KCNQ1: variants seen among roughly 807,000 people sequenced by gnomAD.
KCNQ1 encodes the protein potassium voltage-gated channel subfamily KQT member 1.
In KCNQ1, 49 loss-of-function variants were observed where a neutral mutation model predicts 72.4. The ratio of observed to expected loss-of-function variants is 0.68; its 90% CI spans 0.54 to 0.86. The LOEUF is 0.86. Ranked by LOEUF, KCNQ1 falls within the 40% of genes least tolerant of loss-of-function variation. The pLI, the probability that KCNQ1 is intolerant of heterozygous loss-of-function variation, is 0.00. For missense variants in KCNQ1, 790 were observed against 945.1 expected (o/e 0.84, Z 2.15); for synonymous variants, 450 against 412.6 (o/e 1.09, Z -1.10).
chr11:2,542,667 CGGTT>C (rs1022350498), intron 2 of KCNQ1, among the ~76,000 whole-genome samples: 7 of 152,044 alleles, frequency 4.6e-5, no homozygotes, highest in African/African-American at 1.7e-4. Flanking sequence ...TCAGTGTAGA[CGGTT>C]GGCGTTTTCT....
Position 2,667,543 on chromosome 11 carries a change from T to C in KCNQ1, c.1514+5462T>C, listed in dbSNP as rs779295054. 1.0e-3 allele frequency: 401 copies of C among 396,334 alleles called. No individual in the cohort carries two copies. The highest frequency in any genetic ancestry group is 1.5e-3 in the Non-Finnish European group (340 of 225,692). The allele number at this position is 396,334 out of a possible 1,614,324, so 24.6% of individuals were successfully genotyped here. A position where few individuals can be genotyped will look rare whatever the true frequency, so the allele number is the denominator to read the frequency against. On this transcript the variant is annotated intron_variant, in intron 11 of 15. Transcript: ENST00000155840. ...AAAGGACTTCACAACTGCACTGATA[T>C]TGTCATGGAGACACTTCTGGCAGTT... is the stretch of plus-strand genomic sequence containing the variant.
chr11:2,728,206 C>T (rs1258791912), intron 11 of KCNQ1, among the ~76,000 whole-genome samples: 4 of 152,114 alleles, frequency 2.6e-5, no homozygotes, highest in African/African-American at 4.8e-5. Context: ...ACCTCTGGAG[C>T]GGCCACTCGC....
At chr11:2,502,160 A>G (rs994820654) in intron 1 of KCNQ1, among the ~76,000 whole-genome samples, 5 of 152,230 alleles carry the variant, frequency 3.3e-5, no homozygotes, top group Admixed American at 6.5e-5. Flanking sequence ...CACTTTCATC[A>G]CTGTTATTTA....
At chr11:2,732,009 C>T (rs761450000) in intron 11 of KCNQ1, among the ~76,000 whole-genome samples, 12 of 152,238 alleles carry the variant, frequency 7.9e-5, no homozygotes, top group Admixed American at 2.0e-4. Flanking sequence ...GCCGTGGGCT[C>T]CTGTGTTCCT....
At chr11:2,570,873 G>A (rs1266786901) in intron 3 of KCNQ1, 119 bp downstream of exon 3, 1 of 1,411,226 alleles carries the variant, frequency 7.1e-7, no homozygotes, top group Non-Finnish European at 9.8e-7. Context: ...AGGCCAGCAG[G>A]GGGTGACTGC....
rs549312776 is a variant in KCNQ1 at position 2,526,961 on chromosome 11, C to T, written c.387-967C>T. ...TGTGGCCATCTCCTGGCTCTCCGGTCGCTGAGGATCCACGGGGGTCCCTGG... is the reference window on the plus strand; with the variant it reads ...TGTGGCCATCTCCTGGCTCTCCGGTTGCTGAGGATCCACGGGGGTCCCTGG... On this transcript the variant is annotated intron_variant, in intron 1 of 15. Transcript: ENST00000155840. The surrounding 1 kb of genome is among the most constrained non-coding windows in gnomAD (Gnocchi z 6.1). Among the ~76,000 whole-genome samples the T allele has an allele frequency of 6.4e-4, 97 of 152,206 alleles. No homozygotes were observed. Among genetic ancestry groups the T allele is most frequent in the Non-Finnish European group, 3.1e-4 (21 of 67,982 alleles).
intron 1 of KCNQ1, among the ~76,000 whole-genome samples, chr11:2,503,325 G>A (rs938902682): frequency 6.6e-6 from 1 of 152,102 alleles, no homozygotes; most frequent in African/African-American, 2.4e-5. Context: ...ACCGCACAAG[G>A]AAAACATCTA....
chr11:2,572,837 C>T lies in KCNQ1; in HGVS notation c.781-9C>T. 1 of 1,613,726 alleles carries T rather than the reference C, an allele frequency of 6.2e-7. No homozygotes were observed. Among genetic ancestry groups the T allele is most frequent in the Non-Finnish European group, 8.5e-7 (1 of 1,180,008 alleles). On this transcript the variant is annotated splice_polypyrimidine_tract_variant and intron_variant, in intron 5 of 15. Coordinates refer to ENST00000155840, the MANE Select transcript of KCNQ1 (RefSeq NM_000218.3). ...CCTGGAGCCCGACACTGTGTGTTTTCTGGCCTAGGAGCTGATAACCACCCT... is the reference window on the plus strand; with the variant it reads ...CCTGGAGCCCGACACTGTGTGTTTTTTGGCCTAGGAGCTGATAACCACCCT...
rs1564830285 is a variant in KCNQ1, at chr11:2,602,130, G to T, written c.1393+13276G>T. On this transcript the variant is annotated intron_variant, in intron 10 of 15. Transcript: ENST00000155840. This position sits in a 1 kb window ranked among gnomAD's most constrained non-coding sequence, Gnocchi z 4.8. ...AATGGCAATGTGATTTGAGGAAGGG[G>T]TCACAAACCAAAGAACGCTTCCAGA... Among the ~76,000 whole-genome samples the T allele has an allele frequency of 6.6e-6, 1 of 152,152 alleles. No homozygotes were observed. The highest frequency in any genetic ancestry group is 2.4e-5 in the African/African-American group (1 of 41,418).
intron 11 of KCNQ1, among the ~76,000 whole-genome samples, chr11:2,737,138 T>C (rs1486041596): frequency 6.6e-6 from 1 of 152,046 alleles, no homozygotes; most frequent in Non-Finnish European, 1.5e-5. Flanking sequence ...TAGGGAGGAC[T>C]CCCCCAGGAG....
At position 2,457,892 on chromosome 11, in the gene KCNQ1, A is replaced by G. The variant is rs947425127; in HGVS notation, c.386+12408A>G. On this transcript the variant is annotated intron_variant, in intron 1 of 15. Transcript: ENST00000155840. The surrounding 1 kb of genome is among the most constrained non-coding windows in gnomAD (Gnocchi z 5.0). ...TCCCTGCATTTGAATGAGGACTATCAGTATGCATCCAGGATGACGTTTACT... is the reference window on the plus strand; with the variant it reads ...TCCCTGCATTTGAATGAGGACTATCGGTATGCATCCAGGATGACGTTTACT... 6.6e-6 allele frequency among the ~76,000 whole-genome samples: 1 copy of G among 151,978 alleles called. No homozygotes were observed. The highest frequency in any genetic ancestry group is 2.4e-5 in the African/African-American group (1 of 41,378).
chr11:2,478,595 A>G lies in KCNQ1; in HGVS notation c.386+33111A>G, dbSNP rs1411762125. Among the ~76,000 whole-genome samples, 5 of 152,120 alleles carry G rather than the reference A, an allele frequency of 3.3e-5. No homozygotes were observed. Among genetic ancestry groups the G allele is most frequent in the Admixed American group, 3.3e-4 (5 of 15,274 alleles). On this transcript the variant is annotated intron_variant, in intron 1 of 15. Transcript: ENST00000155840. The surrounding 1 kb of genome is among the most constrained non-coding windows in gnomAD (Gnocchi z 4.0). ...GAACAGCATGGAGGAAACCACCCCC[A>G]TGATTCAATTATCTCCCACGAGGTC...
At chr11:2,648,546 A>G (rs1849702721) in intron 10 of KCNQ1, 3 of 398,368 alleles carry the variant, frequency 7.5e-6, no homozygotes, top group Non-Finnish European at 1.3e-5. Flanking sequence ...TCATTCAGGA[A>G]CATGTAGTTT....
At chr11:2,694,288 A>C (rs1850636568) in intron 11 of KCNQ1, 2 of 398,698 alleles carry the variant, frequency 5.0e-6, no homozygotes, top group African/African-American at 4.1e-5. Flanking sequence ...ACACCATCCC[A>C]GTCCCAAGAG....
chr11:2,523,769 T>TC (rs1460586040), intron 1 of KCNQ1, among the ~76,000 whole-genome samples: 1 of 150,382 alleles, frequency 6.6e-6, no homozygotes, highest in Non-Finnish European at 1.5e-5. Flanking sequence ...TTTTTTTTTT[T>TC]TTGAAAGTTT....
intron 11 of KCNQ1, chr11:2,665,744 C>G: frequency 2.5e-6 from 1 of 398,516 alleles, no homozygotes; most frequent in Non-Finnish European, 4.4e-6. Flanking sequence ...CCCCCAAAGC[C>G]CCAGGCATGG....
chr11:2,626,610 C>G lies in KCNQ1; in HGVS notation c.1394-35351C>G. 2.5e-6 allele frequency: 1 copy of G among 398,656 alleles called. No homozygotes were observed. Among genetic ancestry groups the G allele is most frequent in the South Asian group, 1.3e-4 (1 of 7,852 alleles). The allele number at this position is 398,656 out of a possible 1,614,324, so 24.7% of individuals were successfully genotyped here. On this transcript the variant is annotated intron_variant, in intron 10 of 15. Coordinates refer to ENST00000155840, the MANE Select transcript of KCNQ1 (RefSeq NM_000218.3). This position sits in a 1 kb window ranked among gnomAD's most constrained non-coding sequence, Gnocchi z 4.0. The stretch of plus-strand genomic sequence containing the variant: ...GTGGCATTATCACTGCTTACTGCCA[C>G]CTCAATCTCCCAGGCTCAAGCAATC...
chr11:2,614,561 T>C (rs1313709490), intron 10 of KCNQ1: 1 of 398,416 alleles, frequency 2.5e-6, no homozygotes, highest in African/African-American at 2.1e-5. Flanking sequence ...TTTTATATGC[T>C]ATGAGTTATG....
intron 15 of KCNQ1, among the ~76,000 whole-genome samples, chr11:2,791,322 G>A (rs1356163586): frequency 6.6e-6 from 1 of 151,690 alleles, no homozygotes; most frequent in Non-Finnish European, 1.5e-5. Flanking sequence ...CGCCTGCAGG[G>A]GCCAGGGCGT....
Sources: allele counts gnomAD v4.1 joint callset (sites outside exome capture counted in the v4.1 genomes callset), GRCh38; gene constraint gnomAD v4.1.1; non-coding constraint Gnocchi (gnomAD v3.1); transcripts MANE v1.5; gene names NCBI Gene and HGNC (gene_info 2026-07-23, HGNC 2026-07-21).